The following TBC1D32 variants were observed in gnomAD, a reference collection of about 807,000 sequenced individuals.
TBC1D32 encodes the protein protein broad-minded.
TBC1D32 carries 151 observed loss-of-function variants against 170.3 expected under a neutral mutation model. The observed-to-expected ratio is 0.89, with a 90% CI of 0.78 to 1.01. The LOEUF is 1.01. Among genes scored for constraint, TBC1D32 ranks in the 50% least tolerant of loss-of-function variants. The probability of loss-of-function intolerance (pLI) is 0.00; values close to 1 mark genes in which losing one functional copy is unlikely to be tolerated. For missense variants in TBC1D32, 1,464 were observed against 1,457.1 expected (o/e 1.00, Z -0.08); for synonymous variants, 498 against 488.0 (o/e 1.02, Z -0.27).
intron 29 of TBC1D32, among the ~76,000 whole-genome samples, chr6:121,111,222 T>C (rs1261672668): frequency 6.6e-6 from 1 of 152,170 alleles, no homozygotes; most frequent in East Asian, 1.9e-4. Context: ...TGAAAAAAAG[T>C]ACGATTTTAT....
intron 15 of TBC1D32, among the ~76,000 whole-genome samples, chr6:121,267,426 G>T (rs894044063): frequency 6.6e-6 from 1 of 152,204 alleles, no homozygotes; most frequent in Middle Eastern, 3.4e-3. Flanking sequence ...CCCAAATACT[G>T]CACTTTTCCA....
chr6:121,160,922 C>T, intron 23 of TBC1D32, 26 bp downstream of exon 23: 1 of 1,574,924 alleles, frequency 6.3e-7, no homozygotes, highest in Non-Finnish European at 8.7e-7. Flanking sequence ...AAAAACACAT[C>T]CCACTTCTCT....
At chr6:121,211,500 T>G (rs1028992823) in intron 21 of TBC1D32, among the ~76,000 whole-genome samples, 2 of 152,132 alleles carry the variant, frequency 1.3e-5, no homozygotes, top group African/African-American at 4.8e-5. Context: ...CCAAGTCCAC[T>G]GTATCATTCT....
intron 25 of TBC1D32, among the ~76,000 whole-genome samples, chr6:121,131,191 T>C (rs1196530556): frequency 1.3e-5 from 2 of 152,050 alleles, no homozygotes; most frequent in African/African-American, 4.8e-5. Flanking sequence ...TAAACTTGTT[T>C]GCTAATTTAG....
At chr6:121,173,475 A>C (rs1408962179) in intron 22 of TBC1D32, among the ~76,000 whole-genome samples, 2 of 152,078 alleles carry the variant, frequency 1.3e-5, no homozygotes, top group Non-Finnish European at 2.9e-5. Flanking sequence ...AATTTCTAAG[A>C]AGAAAAACAA....
At chr6:121,085,235 A>G (rs1444688554) in intron 31 of TBC1D32, among the ~76,000 whole-genome samples, 8 of 140,934 alleles carry the variant, frequency 5.7e-5, no homozygotes, top group Admixed American at 1.4e-4. Context: ...ATATATATAC[A>G]CATATACATA....
intron 12 of TBC1D32, among the ~76,000 whole-genome samples, chr6:121,286,723 A>G (rs1803905385): frequency 6.6e-6 from 1 of 152,196 alleles, no homozygotes; most frequent in Admixed American, 6.5e-5. Context: ...AGTTCAAATG[A>G]AGGAAAAAAT....
chr6:121,211,964 T>C (rs1335647484), intron 21 of TBC1D32, among the ~76,000 whole-genome samples: 1 of 148,816 alleles, frequency 6.7e-6, no homozygotes, highest in African/African-American at 2.5e-5. Flanking sequence ...CCTGTGTATC[T>C]GCTGAATAAA....
intron 3 of TBC1D32, among the ~76,000 whole-genome samples, chr6:121,312,229 A>G (rs994866144): frequency 6.6e-6 from 1 of 152,148 alleles, no homozygotes; most frequent in African/African-American, 2.4e-5. Context: ...GCATTAGGAC[A>G]AATACCAAAT....
intron 4 of TBC1D32, among the ~76,000 whole-genome samples, chr6:121,309,109 T>A (rs906442365): frequency 6.6e-6 from 1 of 152,190 alleles, no homozygotes; most frequent in Non-Finnish European, 1.5e-5. Flanking sequence ...TTTGAAACTG[T>A]CTATATATTC....
chr6:121,305,196 C>T (rs1807151398), intron 5 of TBC1D32, among the ~76,000 whole-genome samples: 1 of 151,876 alleles, frequency 6.6e-6, no homozygotes, highest in Non-Finnish European at 1.5e-5. Flanking sequence ...ATTTCCAAAT[C>T]GAAAATTCAT....
intron 22 of TBC1D32, among the ~76,000 whole-genome samples, chr6:121,201,178 T>A (rs181594295): frequency 6.6e-6 from 1 of 151,644 alleles, no homozygotes; most frequent in East Asian, 1.9e-4. Context: ...GCACAGTCTG[T>A]AGCTCAGAAT....
intron 24 of TBC1D32, among the ~76,000 whole-genome samples, chr6:121,157,497 T>G (rs1001437713): frequency 2.0e-5 from 3 of 152,138 alleles, no homozygotes; most frequent in Non-Finnish European, 2.9e-5. Flanking sequence ...TTTAGGCCAG[T>G]TACATTCAGG....
At chr6:121,146,350 A>G (rs1280135885) in intron 24 of TBC1D32, among the ~76,000 whole-genome samples, 1 of 152,198 alleles carries the variant, frequency 6.6e-6, no homozygotes, top group Non-Finnish European at 1.5e-5. Context: ...CAAATGGAGA[A>G]ATTGGTTTTC....
intron 17 of TBC1D32, among the ~76,000 whole-genome samples, chr6:121,244,352 C>A (rs1797350854): frequency 6.6e-6 from 1 of 151,982 alleles, no homozygotes; most frequent in African/African-American, 2.4e-5. Context: ...AAAACAGAAG[C>A]AAAAACTTCC....
At chr6:121,230,808 G>C (rs1795645240) in intron 20 of TBC1D32, among the ~76,000 whole-genome samples, 1 of 151,776 alleles carries the variant, frequency 6.6e-6, no homozygotes, top group African/African-American at 2.4e-5. Context: ...TATTTCAATA[G>C]GTTTTTGGGG....
chr6:121,158,885 G>T (rs961407030), intron 24 of TBC1D32, among the ~76,000 whole-genome samples: 9 of 152,052 alleles, frequency 5.9e-5, no homozygotes, highest in African/African-American at 2.2e-4. Context: ...AATTTTAGTG[G>T]CTCATAAGAT....
At chr6:121,322,004 A>T (rs1284137617) in intron 1 of TBC1D32, among the ~76,000 whole-genome samples, 1 of 152,008 alleles carries the variant, frequency 6.6e-6, no homozygotes, top group Non-Finnish European at 1.5e-5. Flanking sequence ...AGATTACCAC[A>T]GTAGGGAAAA....
chr6:121,227,118 G>C (rs561332760), intron 20 of TBC1D32, among the ~76,000 whole-genome samples: 3 of 152,166 alleles, frequency 2.0e-5, no homozygotes, highest in African/African-American at 7.2e-5. Context: ...TTTGTGCTGC[G>C]CCACATTCAA....
Sources: gnomAD v4.1 joint callset for allele counts (sites outside exome capture counted in the v4.1 genomes callset) on GRCh38, gnomAD v4.1.1 for gene constraint, MANE v1.5 for transcripts, NCBI Gene and HGNC (gene_info 2026-07-23, HGNC 2026-07-21) for gene names.